MLXIP: variants seen among roughly 807,000 people sequenced by gnomAD.
MLXIP encodes MLX interacting protein.
In MLXIP, 30 loss-of-function variants were observed where a neutral mutation model predicts 87.2. That is an observed-to-expected ratio of 0.34 (90% CI 0.26 to 0.47). The LOEUF (loss-of-function observed/expected upper bound fraction) is 0.47. MLXIP is among the 20% of genes least tolerant of loss of function. The pLI is 1.00. For missense variants in MLXIP, 1,002 were observed against 1,240.1 expected (o/e 0.81, Z 2.88); for synonymous variants, 530 against 514.0 (o/e 1.03, Z -0.42).
intron 1 of MLXIP, among the ~76,000 whole-genome samples, chr12:122,113,799 GT>G (rs1266600286): frequency 1.4e-5 from 2 of 138,506 alleles, no homozygotes; most frequent in Non-Finnish European, 3.1e-5. Flanking sequence ...ATTCTCCTGC[GT>G]CAGCCTCCCG....
intron 1 of MLXIP, among the ~76,000 whole-genome samples, chr12:122,117,215 G>GT (rs1224347002): frequency 6.6e-6 from 1 of 152,224 alleles, no homozygotes; most frequent in Non-Finnish European, 1.5e-5. Flanking sequence ...TTCTTTGAAT[G>GT]TAAGAAAAAA....
At chr12:122,113,211 T>C (rs1004637353) in intron 1 of MLXIP, among the ~76,000 whole-genome samples, 3 of 152,220 alleles carry the variant, frequency 2.0e-5, no homozygotes, top group African/African-American at 7.2e-5. Flanking sequence ...AACAAACCTG[T>C]TCCTACCTAT....
In MLXIP at chr12:122,135,807, TAACAC is replaced by T; in HGVS notation, c.2032+143_2032+147del. The T allele has an allele frequency of 9.7e-7, 1 of 1,033,712 alleles. No individual in the cohort carries two copies. The highest frequency in any genetic ancestry group is 1.3e-6 in the Non-Finnish European group (1 of 747,416). 64.0% of individuals were successfully genotyped at this position (1,033,712 alleles called of 1,614,324 possible). On this transcript the variant is annotated intron_variant, in intron 11 of 16. Transcript: ENST00000319080. The surrounding 1 kb of genome is among the most constrained non-coding windows in gnomAD (Gnocchi z 5.3). ...CAGTGAGGTCTTGTAGGCCTGCTGATAACACAGTCTGGGAACACGCTCTGTGGGTG... is the reference window on the plus strand; with the variant it reads ...CAGTGAGGTCTTGTAGGCCTGCTGATAGTCTGGGAACACGCTCTGTGGGTG...
chr12:122,116,127 G>C (rs1565973970), intron 1 of MLXIP, among the ~76,000 whole-genome samples: 1 of 151,644 alleles, frequency 6.6e-6, no homozygotes, highest in Non-Finnish European at 1.5e-5. Flanking sequence ...CGTGTAGTCT[G>C]TTTACCAGTA....
chr12:122,112,704 C>T (rs1232958123), intron 1 of MLXIP, among the ~76,000 whole-genome samples: 1 of 151,728 alleles, frequency 6.6e-6, no homozygotes, highest in African/African-American at 2.4e-5. Flanking sequence ...AGAAGTGGTC[C>T]CAAATATATG....
intron 1 of MLXIP, among the ~76,000 whole-genome samples, chr12:122,104,440 C>T (rs1362148911): frequency 1.3e-5 from 2 of 152,140 alleles, no homozygotes; most frequent in East Asian, 3.8e-4. Context: ...AAGACTTATC[C>T]ATGTTGCTGT....
Position 122,129,768 on chromosome 12 carries a change from C to G in MLXIP, c.738+139C>G, listed in dbSNP as rs1042087423. 3 of 1,317,852 alleles carry G rather than the reference C, an allele frequency of 2.3e-6. No individual in the cohort carries two copies. The African/African-American group carries it at 4.4e-5, about 19-fold the overall frequency. 81.6% of individuals were successfully genotyped at this position (1,317,852 alleles called of 1,614,324 possible). On this transcript the variant is annotated intron_variant, in intron 5 of 16. Transcript: ENST00000319080. ...TCTCAGGAATGGCTCAAGAAGCAGT[C>G]CAGCTCTCTCTCCTGGGTGGGCTGG...
chr12:122,114,278 G>T (rs183094013), intron 1 of MLXIP, among the ~76,000 whole-genome samples: 1 of 151,900 alleles, frequency 6.6e-6, no homozygotes, highest in Admixed American at 6.6e-5. Flanking sequence ...GAGCCACTGC[G>T]CCTGGCTGAC....
intron 7 of MLXIP, among the ~76,000 whole-genome samples, chr12:122,131,727 GTTT>G (rs1057206237): frequency 1.3e-5 from 2 of 151,488 alleles, no homozygotes; most frequent in African/African-American, 4.8e-5. Flanking sequence ...CACCCAGCCT[GTTT>G]TAGTCTTTGT....
intron 1 of MLXIP, among the ~76,000 whole-genome samples, chr12:122,098,192 T>C (rs1434482326): frequency 6.6e-6 from 1 of 152,172 alleles, no homozygotes; most frequent in East Asian, 1.9e-4. Flanking sequence ...ATTGGTAAAA[T>C]AGGGATGAAG....
Position 122,133,517 on chromosome 12 carries a change from C to T in MLXIP, c.1262C>T (p.Pro421Leu). Reference protein sequence around the residue: ...QPTDFGPSEPPLSVPQPFLPV... With the variant: ...QPTDFGPSEPLLSVPQPFLPV... ...ACGGACTTCGGTCCCTCAGAGCCGCCACTGAGTGTCCCGCAGCCCTTCCTC... is the reference window on the plus strand; with the variant it reads ...ACGGACTTCGGTCCCTCAGAGCCGCTACTGAGTGTCCCGCAGCCCTTCCTC... Residue 421 changes from proline (P) to leucine (L), a missense_variant, in exon 9 of 17, where the codon CCA (proline) becomes CTA (leucine). Around this residue, in one of 3 missense-constraint regions of MLXIP, gnomAD observed 746 missense variants for 897.0 expected, o/e 0.83. Coordinates refer to ENST00000319080, the MANE Select transcript of MLXIP (RefSeq NM_014938.6). The surrounding 1 kb of genome is among the most constrained non-coding windows in gnomAD (Gnocchi z 4.9). 6.2e-7 allele frequency: 1 copy of T among 1,611,670 alleles called. No homozygotes were observed. Among genetic ancestry groups the T allele is most frequent in the Non-Finnish European group, 8.5e-7 (1 of 1,179,092 alleles).
At chr12:122,087,521 A>AAGAGGCCCAGGC (rs1268568292) in intron 1 of MLXIP, among the ~76,000 whole-genome samples, 1 of 152,142 alleles carries the variant, frequency 6.6e-6, no homozygotes, top group African/African-American at 2.4e-5. Flanking sequence ...CAGGTGCGGG[A>AAGAGGCCCAGGC]AGAGGCCCAG....
chr12:122,089,943 T>C (rs1952221154), intron 1 of MLXIP, among the ~76,000 whole-genome samples: 1 of 152,122 alleles, frequency 6.6e-6, no homozygotes, highest in African/African-American at 2.4e-5. Context: ...ATGATGGGAT[T>C]GGAAGCCACA....
intron 1 of MLXIP, among the ~76,000 whole-genome samples, chr12:122,087,923 T>C (rs1156528522): frequency 6.6e-6 from 1 of 152,206 alleles, no homozygotes; most frequent in Non-Finnish European, 1.5e-5. Context: ...ACAGTGACTC[T>C]GAGGTTTGGC....
intron 1 of MLXIP, among the ~76,000 whole-genome samples, chr12:122,108,139 G>T (rs1952549538): frequency 6.6e-6 from 1 of 152,078 alleles, no homozygotes. Context: ...GGAGGCTGAG[G>T]CGGGTGAATC....
intron 1 of MLXIP, among the ~76,000 whole-genome samples, chr12:122,095,314 G>T (rs1039841966): frequency 1.3e-5 from 2 of 151,832 alleles, no homozygotes; most frequent in Admixed American, 6.6e-5. Context: ...GTGTGTGTTT[G>T]CAGTACACAC....
At chr12:122,140,837 T>C in intron 15 of MLXIP, 117 bp from the exon 16 acceptor site, 4 of 1,492,020 alleles carry the variant, frequency 2.7e-6, no homozygotes, top group Non-Finnish European at 3.7e-6. Flanking sequence ...TGATCCATTC[T>C]CTGTGGGCAG....
intron 1 of MLXIP, among the ~76,000 whole-genome samples, chr12:122,096,783 C>G (rs543049319): frequency 2.6e-5 from 4 of 152,162 alleles, no homozygotes; most frequent in African/African-American, 9.7e-5. Context: ...GCGGTGTCCC[C>G]GAGGTGACTC....
rs1953016725 is a variant in MLXIP, at chr12:122,133,414, A to C, written c.1159A>C (p.Thr387Pro). Residue 387 changes from threonine to proline, a missense_variant, in exon 9 of 17, where the codon ACC (threonine) becomes CCC (proline). Physicochemically the swap from Thr to Pro is conservative, Grantham distance 38 (BLOSUM62 -1). Transcript: ENST00000319080. This position sits in a 1 kb window ranked among gnomAD's most constrained non-coding sequence, Gnocchi z 4.9. ...TCCTGACAGCCTCATCGCGCCCCCT[A>C]CCGCCCCATCCCTGGCTCACATGGA... ...SLPDSLIAPP[T>P]APSLAHMDEQ... 2 of 1,608,526 alleles carry C rather than the reference A, an allele frequency of 1.2e-6. No homozygotes were observed. Among genetic ancestry groups the C allele is most frequent in the African/African-American group, 2.7e-5 (2 of 74,302 alleles).
Sources: allele counts gnomAD v4.1 joint callset (sites outside exome capture counted in the v4.1 genomes callset), GRCh38; gene constraint gnomAD v4.1.1; regional missense constraint gnomAD v4.1.1; non-coding constraint Gnocchi (gnomAD v3.1); transcripts MANE v1.5; gene names NCBI Gene and HGNC (gene_info 2026-07-23, HGNC 2026-07-21).